PCDHA6: variants seen among roughly 807,000 people sequenced by gnomAD.
PCDHA6 encodes protocadherin alpha-6.
PCDHA6 carries 55 observed loss-of-function variants against 60.3 expected under a neutral mutation model. The ratio of observed to expected loss-of-function variants is 0.91; its 90% CI spans 0.73 to 1.14. The LOEUF (loss-of-function observed/expected upper bound fraction) is 1.14, where lower values mean the gene tolerates loss of function less well. PCDHA6 is among the 50% of genes most tolerant of loss of function. PCDHA6 has a pLI of 0.00. For synonymous variants in PCDHA6, 652 were observed against 557.9 expected (o/e 1.17, Z -2.38); for missense variants, 1,327 against 1,256.5 (o/e 1.06, Z -0.85).
At chr5:140,841,325 G>T in intron 1 of PCDHA6, 1 of 1,608,154 alleles carries the variant, frequency 6.2e-7, no homozygotes, top group Non-Finnish European at 8.5e-7. Flanking sequence ...ATTTAACATG[G>T]ATTATCACTG....
intron 1 of PCDHA6, among the ~76,000 whole-genome samples, chr5:140,959,089 C>T (rs150796442): frequency 0.023 from 3,565 of 152,100 alleles, 49 homozygotes; most frequent in Middle Eastern, 0.034. Context: ...TCCTTGGTTT[C>T]GGACATTCAG....
chr5:140,841,711 G>A (rs1385576183), intron 1 of PCDHA6: 3 of 1,613,772 alleles, frequency 1.9e-6, no homozygotes, highest in Admixed American at 1.7e-5. Flanking sequence ...ATGACAACCC[G>A]CCAGTGTTCC....
In PCDHA6 at chr5:140,829,297, G is replaced by C; in HGVS notation, c.1206G>C (p.Lys402Asn). The part of the protein sequence containing the change: ...HVPFKLVSTF[K>N]NYYSLVLDSA... Reference sequence around the variant, plus strand: ...CTTTCAAGCTGGTGTCCACCTTCAAGAATTACTACTCGTTGGTGCTGGACA... The same window carrying C: ...CTTTCAAGCTGGTGTCCACCTTCAACAATTACTACTCGTTGGTGCTGGACA... Residue 402 changes from lysine to asparagine, a missense_variant, in exon 1 of 4, where the codon AAG becomes AAC. Lys to Asn is a moderately conservative substitution (Grantham distance 94). Transcript: ENST00000529310. 3 of 1,614,238 alleles carry C rather than the reference G, an allele frequency of 1.9e-6. No homozygotes were observed. The highest frequency in any genetic ancestry group is 8.5e-7 in the Non-Finnish European group (1 of 1,180,048).
chr5:140,858,015 C>T lies in PCDHA6; in HGVS notation c.2394+27530C>T, dbSNP rs781847343. ...GTGCTGGTGAAGGACCATGGCGAGC[C>T]GTCGCTGACGGCCACGGCCACTGTG... On this transcript the variant is annotated intron_variant, in intron 1 of 3. Transcript: ENST00000529310. The T allele has an allele frequency of 2.6e-5, 41 of 1,596,884 alleles. 4 individuals carry two copies. Among genetic ancestry groups the T allele is most frequent in the South Asian group, 1.2e-4 (11 of 90,482 alleles).
chr5:140,858,323 G>A, intron 1 of PCDHA6: 2 of 1,596,704 alleles, frequency 1.3e-6, no homozygotes, highest in Non-Finnish European at 1.7e-6. Context: ...GGTGTGTTCT[G>A]GGGAGGGCCT....
chr5:140,966,641 A>T, intron 1 of PCDHA6: 1 of 1,104,530 alleles, frequency 9.1e-7, no homozygotes, highest in South Asian at 2.2e-5. Flanking sequence ...GGCGCTTTCT[A>T]GAGCGTGAGC....
chr5:140,962,855 G>A (rs556272423), intron 1 of PCDHA6, among the ~76,000 whole-genome samples: 286 of 152,196 alleles, frequency 1.9e-3, no homozygotes, highest in Admixed American at 3.8e-3. Context: ...CTTGTGCTCG[G>A]TTTGTAGAGC....
chr5:140,831,877 C>T (rs2150197891), intron 1 of PCDHA6, among the ~76,000 whole-genome samples: 14 of 152,186 alleles, frequency 9.2e-5, no homozygotes, highest in Non-Finnish European at 1.9e-4. Context: ...TATTGTAAGG[C>T]GCTTATAACT....
intron 1 of PCDHA6, among the ~76,000 whole-genome samples, chr5:140,846,830 A>G (rs965797545): frequency 6.7e-6 from 1 of 149,758 alleles, no homozygotes; most frequent in Admixed American, 6.7e-5. Context: ...AATAAAGAAT[A>G]TGAGTCACAC....
chr5:140,926,702 G>C (rs2083474783), intron 1 of PCDHA6: 1 of 832,476 alleles, frequency 1.2e-6, no homozygotes, highest in South Asian at 2.8e-5. Context: ...CCGGCTCCCA[G>C]CTGGCCAGCC....
At chr5:140,869,227 G>C (rs782048898) in intron 1 of PCDHA6, 1 of 1,613,788 alleles carries the variant, frequency 6.2e-7, no homozygotes, top group South Asian at 1.1e-5. Context: ...GGCCAAACAC[G>C]GCACCTTCGT....
chr5:140,858,128 G>A (rs782090771), intron 1 of PCDHA6: 11 of 1,597,872 alleles, frequency 6.9e-6, no homozygotes, highest in Non-Finnish European at 9.4e-6. Context: ...CCTGGTGGAT[G>A]TCAACGTGTA....
At chr5:140,879,201 G>A (rs2057895897) in intron 1 of PCDHA6, among the ~76,000 whole-genome samples, 1 of 152,164 alleles carries the variant, frequency 6.6e-6, no homozygotes, top group Non-Finnish European at 1.5e-5. Context: ...TTAAATTATG[G>A]CAGTAGAAAT....
At chr5:140,849,566 T>C in intron 1 of PCDHA6, 2 of 1,598,556 alleles carry the variant, frequency 1.3e-6, no homozygotes, top group Non-Finnish European at 1.7e-6. Flanking sequence ...CGCTCTCGGT[T>C]CCTGTAAAAG....
At chr5:140,896,541 T>C (rs2065612579) in intron 1 of PCDHA6, among the ~76,000 whole-genome samples, 1 of 151,728 alleles carries the variant, frequency 6.6e-6, no homozygotes, top group South Asian at 2.1e-4. Flanking sequence ...TTTTTCTTTT[T>C]TTTTTTTGTA....
chr5:140,990,758 C>G (rs1432023166), intron 3 of PCDHA6, among the ~76,000 whole-genome samples: 1 of 152,162 alleles, frequency 6.6e-6, no homozygotes, highest in African/African-American at 2.4e-5. Flanking sequence ...ACCTTTGAGC[C>G]TGTAAATTTG....
intron 1 of PCDHA6, among the ~76,000 whole-genome samples, chr5:140,898,428 A>G (rs1554187988): frequency 2.6e-5 from 4 of 152,132 alleles, no homozygotes; most frequent in Non-Finnish European, 5.9e-5. Flanking sequence ...TTTTCCCAGC[A>G]CCATTTATTA....
chr5:140,996,410 G>A (rs1195533511), intron 3 of PCDHA6, among the ~76,000 whole-genome samples: 2 of 152,222 alleles, frequency 1.3e-5, no homozygotes, highest in African/African-American at 2.4e-5. Flanking sequence ...GGTGGGGCAG[G>A]CAGTGTGAAA....
intron 1 of PCDHA6, chr5:140,875,666 G>A (rs781866030): frequency 1.2e-6 from 2 of 1,613,786 alleles, no homozygotes; most frequent in East Asian, 4.5e-5. Flanking sequence ...CGCCTGTTCC[G>A]GGTGGCGTCC....
Sources: gnomAD v4.1 joint callset for allele counts (sites outside exome capture counted in the v4.1 genomes callset) on GRCh38, gnomAD v4.1.1 for gene constraint, MANE v1.5 for transcripts, NCBI Gene and HGNC (gene_info 2026-07-23, HGNC 2026-07-21) for gene names.